ZDHHC2: variants seen among roughly 807,000 people sequenced by gnomAD.
ZDHHC2 encodes the protein zDHHC palmitoyltransferase 2, also known as palmitoyltransferase ZDHHC2.
ZDHHC2 carries 51 observed loss-of-function variants against 55.6 expected under a neutral mutation model. The observed-to-expected ratio is 0.92, with a 90% confidence interval of 0.73 to 1.16. The LOEUF (loss-of-function observed/expected upper bound fraction) is 1.16, where lower values mean the gene tolerates loss of function less well. ZDHHC2 is among the 50% of genes most tolerant of loss of function. The pLI is 0.00. For synonymous variants in ZDHHC2, 199 were observed against 152.9 expected (o/e 1.30, Z -2.22); for missense variants, 491 against 442.4 (o/e 1.11, Z -0.99).
intron 7 of ZDHHC2, among the ~76,000 whole-genome samples, chr8:17,206,048 A>G (rs1216798526): frequency 2.0e-5 from 3 of 152,220 alleles, no homozygotes; most frequent in African/African-American, 7.2e-5. Context: ...GAGGTTGAAC[A>G]AGACGATGCT....
rs1439354023 is a variant in ZDHHC2 at position 17,194,802 on chromosome 8, G to A, written c.253-702G>A. ...CATCCTTTTGATGTACATTTGAGTT[G>A]TGTTCTTTTTTTTGTATTTCAAACA... On this transcript the variant is annotated intron_variant, in intron 3 of 12. Transcript: ENST00000262096. Among the ~76,000 whole-genome samples the A allele has an allele frequency of 2.0e-5, 3 of 152,046 alleles. No individual in the cohort carries two copies. The East Asian group carries it at 5.8e-4, about 29-fold the overall frequency.
At chr8:17,217,447 C>G (rs1807702246) in intron 12 of ZDHHC2, among the ~76,000 whole-genome samples, 1 of 152,028 alleles carries the variant, frequency 6.6e-6, no homozygotes, top group Non-Finnish European at 1.5e-5. Flanking sequence ...TTTGTGTTAA[C>G]TTGATTAATT....
chr8:17,184,677 T>A (rs551482071), intron 1 of ZDHHC2, 112 bp from the exon 2 acceptor site: 38 of 831,656 alleles, frequency 4.6e-5, no homozygotes, highest in Non-Finnish European at 5.8e-5. Context: ...ATTTAGAGAA[T>A]GTTGGTTTGA....
At chr8:17,176,971 CAT>C (rs1213072179) in intron 1 of ZDHHC2, among the ~76,000 whole-genome samples, 2 of 152,212 alleles carry the variant, frequency 1.3e-5, no homozygotes, top group Admixed American at 1.3e-4. Context: ...ACGTGAATAA[CAT>C]ATTTTTCTTG....
At chr8:17,215,524 T>C (rs2150950017) in intron 11 of ZDHHC2, among the ~76,000 whole-genome samples, 175 bp downstream of exon 11, 1 of 152,338 alleles carries the variant, frequency 6.6e-6, no homozygotes, top group East Asian at 1.9e-4. Flanking sequence ...TAATAACCTG[T>C]TAGCAGCAGA....
intron 11 of ZDHHC2, among the ~76,000 whole-genome samples, chr8:17,215,766 A>G (rs1184807428): frequency 1.3e-5 from 2 of 152,240 alleles, no homozygotes; most frequent in East Asian, 3.8e-4. Context: ...ATGTCTGAGT[A>G]AAGTTACTGT....
In ZDHHC2 at chr8:17,199,494, T is replaced by TTCG. The variant is rs1488337763; in HGVS notation, c.476+1083_476+1084insGTC. Among the ~76,000 whole-genome samples, 57 of 105,522 alleles carry TTCG rather than the reference T, an allele frequency of 5.4e-4. 1 individual carries two copies. Among genetic ancestry groups the TTCG allele is most frequent in the African/African-American group, 1.1e-3 (21 of 19,462 alleles). 69.2% of individuals were successfully genotyped at this position (105,522 alleles called of 152,430 possible). On this transcript the variant is annotated intron_variant, in intron 6 of 12. Transcript: ENST00000262096. ...CTTCTTCTTCTTCTTCTTCTTCTTCTTCTTCTTCTTCTTCTTCTTCGTCTT... is the reference window on the plus strand; with the variant it reads ...CTTCTTCTTCTTCTTCTTCTTCTTCTTCGTCTTCTTCTTCTTCTTCTTCGTCTT...
At chr8:17,165,444 A>G (rs1454750021) in intron 1 of ZDHHC2, among the ~76,000 whole-genome samples, 2 of 152,230 alleles carry the variant, frequency 1.3e-5, no homozygotes, top group African/African-American at 4.8e-5. Flanking sequence ...TCCAGGACTA[A>G]TACCTGCTGA....
rs1055869087 is a variant in ZDHHC2, at chr8:17,199,579, C to T, written c.476+1166C>T. Among the ~76,000 whole-genome samples, 181 of 39,088 alleles carry T rather than the reference C, an allele frequency of 4.6e-3. 12 individuals carry two copies. In the Admixed American group the frequency reaches 0.047, roughly 10 times the overall value. 25.6% of individuals were successfully genotyped at this position (39,088 alleles called of 152,430 possible). On this transcript the variant is annotated intron_variant, in intron 6 of 12. Transcript: ENST00000262096. The stretch of plus-strand genomic sequence containing the variant: ...TCTTCGTCTTCTTCGTCTTTGTCTT[C>T]TTCTTCTTCTTTCTTCTTCTTTATT...
At chr8:17,167,775 A>C (rs369836254) in intron 1 of ZDHHC2, among the ~76,000 whole-genome samples, 1 of 152,184 alleles carries the variant, frequency 6.6e-6, no homozygotes, top group Non-Finnish European at 1.5e-5. Context: ...TCATATATCT[A>C]TAATAAAAAT....
At chr8:17,160,717 A>G (rs1804297396) in intron 1 of ZDHHC2, among the ~76,000 whole-genome samples, 1 of 152,234 alleles carries the variant, frequency 6.6e-6, no homozygotes, top group Admixed American at 6.5e-5. Context: ...ACACAATTTT[A>G]GAGATTTAAA....
chr8:17,190,951 CTTTTTTT>C (rs10601402), intron 3 of ZDHHC2, among the ~76,000 whole-genome samples: 2 of 52,774 alleles, frequency 3.8e-5, no homozygotes, highest in African/African-American at 1.5e-4. Flanking sequence ...CTTATTCATT[CTTTTTTT>C]TTTTTTTTTT....
chr8:17,158,082 G>A (rs1423454869), intron 1 of ZDHHC2, among the ~76,000 whole-genome samples: 2 of 151,894 alleles, frequency 1.3e-5, no homozygotes, highest in Admixed American at 6.6e-5. Context: ...TTAGAAACAA[G>A]CTTAATAGTC....
At position 17,197,607 on chromosome 8, in the gene ZDHHC2, A is replaced by G. The variant is rs556065017; in HGVS notation, c.399A>G (p.Gln133=). Reference sequence around the variant, plus strand: ...CCATCCGATACTGTGACAGATGCCAACTTATAAAACCAGATCGCTGCCATC... The same window carrying G: ...CCATCCGATACTGTGACAGATGCCAGCTTATAAAACCAGATCGCTGCCATC... ...SGAIRYCDRC[Q]LIKPDRCHHC... Residue 133 remains glutamine, a synonymous_variant, in exon 5 of 13, where the codon CAA becomes CAG. Transcript: ENST00000262096. 2 of 1,613,848 alleles carry G rather than the reference A, an allele frequency of 1.2e-6. No individual in the cohort carries two copies. Among genetic ancestry groups the G allele is most frequent in the Middle Eastern group, 1.6e-4 (1 of 6,062 alleles).
chr8:17,189,009 C>A (rs1805877878), intron 3 of ZDHHC2, among the ~76,000 whole-genome samples: 1 of 151,926 alleles, frequency 6.6e-6, no homozygotes, highest in Admixed American at 6.6e-5. Context: ...AACTCATGTG[C>A]CGCACTGCTC....
intron 3 of ZDHHC2, among the ~76,000 whole-genome samples, chr8:17,192,549 A>G (rs771801837): frequency 3.9e-4 from 59 of 152,282 alleles, no homozygotes; most frequent in Non-Finnish European, 6.5e-4. Flanking sequence ...GGAGTTGCCA[A>G]ATACTTTCTC....
intron 3 of ZDHHC2, among the ~76,000 whole-genome samples, chr8:17,187,411 T>A (rs1182261337): frequency 6.6e-6 from 1 of 151,850 alleles, no homozygotes; most frequent in African/African-American, 2.4e-5. Flanking sequence ...TAAGCCAAGT[T>A]TAAAAAAAAA....
chr8:17,162,534 C>T (rs1225144324), intron 1 of ZDHHC2, among the ~76,000 whole-genome samples: 1 of 152,096 alleles, frequency 6.6e-6, no homozygotes, highest in African/African-American at 2.4e-5. Flanking sequence ...GGTGTGTTTC[C>T]ATGAGGTTAG....
chr8:17,212,047 G>A (rs1287101559), intron 10 of ZDHHC2, among the ~76,000 whole-genome samples: 1 of 152,066 alleles, frequency 6.6e-6, no homozygotes, highest in Non-Finnish European at 1.5e-5. Context: ...AGATTTGGGA[G>A]AAATCTTAGT....
Sources: gnomAD v4.1 joint callset for allele counts (sites outside exome capture counted in the v4.1 genomes callset) on GRCh38, gnomAD v4.1.1 for gene constraint, MANE v1.5 for transcripts, NCBI Gene and HGNC (gene_info 2026-07-23, HGNC 2026-07-21) for gene names.